The following CYP2W1 variants were observed in gnomAD, a reference collection of about 807,000 sequenced individuals.
CYP2W1 encodes the protein cytochrome P450 2W1.
Under a neutral mutation model 44.9 loss-of-function variants are expected in CYP2W1, and 51 were observed. That is an observed-to-expected ratio of 1.14 (90% CI 0.91 to 1.43). The LOEUF is 1.43. Ranked by LOEUF, CYP2W1 falls within the 40% of genes most tolerant of loss-of-function variation. The probability of loss-of-function intolerance (pLI) is 0.00; values close to 1 mark genes in which losing one functional copy is unlikely to be tolerated. For synonymous variants in CYP2W1, 383 were observed against 338.3 expected (o/e 1.13, Z -1.45); for missense variants, 746 against 700.0 (o/e 1.07, Z -0.74).
chr7:986,834 G>A (rs1245231610), intron 5 of CYP2W1, 37 bp downstream of exon 5: 1 of 1,476,590 alleles, frequency 6.8e-7, no homozygotes, highest in Non-Finnish European at 9.0e-7. Flanking sequence ...AAGGCCTGTA[G>A]GGGTCCTGAG....
In CYP2W1 at chr7:983,206, G is replaced by T. The variant is rs200956100; in HGVS notation, c.-6G>T. The T allele has an allele frequency of 7.4e-6, 11 of 1,491,452 alleles. No homozygotes were observed. The highest frequency in any genetic ancestry group is 9.9e-6 in the Non-Finnish European group (11 of 1,112,514). 92.4% of individuals were successfully genotyped at this position (1,491,452 alleles called of 1,614,324 possible). A position where few individuals can be genotyped will look rare whatever the true frequency, so the allele number is the denominator to read the frequency against. On this transcript the variant is annotated 5_prime_UTR_variant, in exon 1 of 9. Coordinates refer to ENST00000308919, the MANE Select transcript of CYP2W1 (RefSeq NM_017781.3). The stretch of plus-strand genomic sequence containing the variant: ...AGGGGAGTGGAGCCTCACCAGCCAC[G>T]TCCTCATGGCCCTGCTGCTCTTGCT...
intron 1 of CYP2W1, among the ~76,000 whole-genome samples, chr7:983,630 G>A (rs1044790750): frequency 1.3e-5 from 2 of 152,204 alleles, no homozygotes; most frequent in Non-Finnish European, 2.9e-5. Flanking sequence ...CGGCGCGGGA[G>A]CAGGAGTCTG....
At chr7:983,744 C>T (rs1848102585) in intron 1 of CYP2W1, among the ~76,000 whole-genome samples, 2 of 152,218 alleles carry the variant, frequency 1.3e-5, no homozygotes, top group South Asian at 2.1e-4. Context: ...GCCTGCTCAG[C>T]CCCCCTCGGC....
At chr7:985,920 G>A (rs1848307009) in intron 4 of CYP2W1, among the ~76,000 whole-genome samples, 1 of 152,088 alleles carries the variant, frequency 6.6e-6, no homozygotes, top group Non-Finnish European at 1.5e-5. Context: ...AGTGAGCAGC[G>A]GTGGGTTCAC....
chr7:988,390 GC>G lies in CYP2W1; in HGVS notation c.1258del (p.Arg420GlyfsTer58). 1 of 1,612,688 alleles carries G rather than the reference GC, an allele frequency of 6.2e-7. No homozygotes were observed. The highest frequency in any genetic ancestry group is 8.5e-7 in the Non-Finnish European group (1 of 1,179,834). On this transcript the variant is annotated frameshift_variant, in exon 8 of 9. Transcript: ENST00000308919. LOFTEE classifies it low-confidence loss of function (END_TRUNC). ...FLDANGHFVK[R>X]EAFLPFSAGR... ...TGGACGCGAATGGGCACTTTGTGAA[GC>G]GGGAGGCCTTCCTGCCTTTCTCTGC...
intron 7 of CYP2W1, 54 bp from the exon 8 acceptor site, chr7:988,223 C>G: frequency 2.0e-6 from 3 of 1,530,098 alleles, no homozygotes. Context: ...CCAACCCAGG[C>G]CCCATCCCAT....
At chr7:986,041 G>A (rs560148596) in intron 4 of CYP2W1, among the ~76,000 whole-genome samples, 4 of 152,282 alleles carry the variant, frequency 2.6e-5, no homozygotes, top group Non-Finnish European at 5.9e-5. Context: ...GAGGCTGCAC[G>A]GCACTGCGTG....
chr7:987,097 G>A lies in CYP2W1; in HGVS notation c.820-10G>A, dbSNP rs748510204. 6.6e-6 allele frequency: 10 copies of A among 1,522,290 alleles called. No individual in the cohort carries two copies. Among genetic ancestry groups the A allele is most frequent in the South Asian group, 3.8e-5 (3 of 78,814 alleles). 94.3% of individuals were successfully genotyped at this position (1,522,290 alleles called of 1,614,324 possible). On this transcript the variant is annotated splice_polypyrimidine_tract_variant and intron_variant, in intron 5 of 8. Transcript: ENST00000308919. ...GATCATCCCACGAGCCCTGCCCCAC[G>A]CCTCTGCAGGGGGATGACCCCGAGG...
chr7:987,106 G>T lies in CYP2W1; in HGVS notation c.820-1G>T. ...ACGAGCCCTGCCCCACGCCTCTGCAGGGGGATGACCCCGAGGGCCTGTTTG... is the reference window on the plus strand; with the variant it reads ...ACGAGCCCTGCCCCACGCCTCTGCATGGGGATGACCCCGAGGGCCTGTTTG... On this transcript the variant is annotated splice_acceptor_variant, in intron 5 of 8. Transcript: ENST00000308919. LOFTEE classifies it high-confidence loss of function. 1 of 1,542,662 alleles carries T rather than the reference G, an allele frequency of 6.5e-7. No homozygotes were observed. Among genetic ancestry groups the T allele is most frequent in the Non-Finnish European group, 8.8e-7 (1 of 1,142,134 alleles).
chr7:987,939 G>C (rs1005409081), intron 7 of CYP2W1, among the ~76,000 whole-genome samples: 2 of 146,398 alleles, frequency 1.4e-5, no homozygotes, highest in Non-Finnish European at 3.0e-5. Flanking sequence ...GTCCTGGGGG[G>C]GTCCCCTGTG....
intron 2 of CYP2W1, 43 bp from the exon 3 acceptor site, chr7:984,907 G>T (rs1193007864): frequency 6.5e-7 from 1 of 1,538,278 alleles, no homozygotes; most frequent in African/African-American, 1.4e-5. Flanking sequence ...GGGGCTGGCT[G>T]GGGTGGGAAC....
At chr7:983,502 G>T in intron 1 of CYP2W1, 117 bp downstream of exon 1, 1 of 1,094,514 alleles carries the variant, frequency 9.1e-7, no homozygotes, top group African/African-American at 1.6e-5. Flanking sequence ...GCCGGGCCCA[G>T]CGGGGCACGC....
In CYP2W1 at chr7:988,189, A is replaced by G. The variant is rs964917593; in HGVS notation, c.1144-88A>G. On this transcript the variant is annotated intron_variant, in intron 7 of 8. Transcript: ENST00000308919. ...CACCAGGTGTGGTGGGTGTGGCAGG[A>G]GCTACATCCTGGAATGAAACTTCCC... The G allele has an allele frequency of 3.4e-5, 48 of 1,412,114 alleles. No homozygotes were observed. In the East Asian group the frequency reaches 5.2e-4, roughly 15 times the overall value. 87.5% of individuals were successfully genotyped at this position (1,412,114 alleles called of 1,614,324 possible).
intron 4 of CYP2W1, among the ~76,000 whole-genome samples, chr7:985,554 G>A (rs569481276): frequency 2.0e-5 from 3 of 152,222 alleles, no homozygotes; most frequent in African/African-American, 2.4e-5. Flanking sequence ...TCTCCCCCAC[G>A]CCCTCATCAG....
In CYP2W1 at chr7:987,485, G is replaced by A. The variant is rs200641657; in HGVS notation, c.1097G>A (p.Arg366His). Residue 366 changes from arginine to histidine, a missense_variant, in exon 7 of 9, where the codon CGC becomes CAC. By Grantham distance (29) the Arg-to-His change is conservative. Coordinates refer to ENST00000308919, the MANE Select transcript of CYP2W1 (RefSeq NM_017781.3). ...RFITLLPHVP[R>H]CTAADTQLGG... Reference sequence around the variant, plus strand: ...ATCACGCTCCTGCCGCACGTGCCCCGCTGCACCGCGGCCGACACACAGCTG... The same window carrying A: ...ATCACGCTCCTGCCGCACGTGCCCCACTGCACCGCGGCCGACACACAGCTG... The A allele has an allele frequency of 2.0e-3, 3,137 of 1,551,486 alleles. 7 individuals are homozygous for A. Among genetic ancestry groups the A allele is most frequent in the Non-Finnish European group, 2.5e-3 (2,916 of 1,155,380 alleles).
intron 3 of CYP2W1, 26 bp from the exon 4 acceptor site, chr7:985,140 G>A (rs770723423): frequency 3.6e-5 from 57 of 1,601,272 alleles, no homozygotes; most frequent in South Asian, 1.6e-4. Context: ...GGGCCTGGAC[G>A]TGCCTGAGGC....
At position 987,266 on chromosome 7, in the gene CYP2W1, G is replaced by T. The variant is rs772035855; in HGVS notation, c.958+21G>T. 3 of 1,505,540 alleles carry T rather than the reference G, an allele frequency of 2.0e-6. No homozygotes were observed. The East Asian group carries it at 7.4e-5, about 37-fold the overall frequency. The allele number at this position is 1,505,540 out of a possible 1,614,324, so 93.3% of individuals were successfully genotyped here. On this transcript the variant is annotated intron_variant, in intron 6 of 8. Coordinates refer to ENST00000308919, the MANE Select transcript of CYP2W1 (RefSeq NM_017781.3). ...GCAGGGTGAGACCCCGGCGCCTGGC[G>T]AGACGGCTCCTTCTGCCCCCGGGGG... is the stretch of plus-strand genomic sequence containing the variant.
chr7:986,555 A>G, intron 4 of CYP2W1, 69 bp from the exon 5 acceptor site: 3 of 1,567,162 alleles, frequency 1.9e-6, no homozygotes, highest in Non-Finnish European at 2.6e-6. Context: ...GCTGGGGACG[A>G]TCACCGCCTG....
chr7:986,677 C>G lies in CYP2W1; in HGVS notation c.699C>G (p.Val233=). The change falls in exon 5 of 9, where the codon GTC becomes GTG. Residue 233 remains valine (V), a synonymous_variant. Coordinates refer to ENST00000308919, the MANE Select transcript of CYP2W1 (RefSeq NM_017781.3). ...LGALLQLHRP[V]LRKIEEVRAI... Reference sequence around the variant, plus strand: ...CCCTGCTCCAGCTGCACCGGCCCGTCCTGCGCAAGATCGAGGAGGTCCGTG... The same window carrying G: ...CCCTGCTCCAGCTGCACCGGCCCGTGCTGCGCAAGATCGAGGAGGTCCGTG... 6.2e-7 allele frequency: 1 copy of G among 1,612,682 alleles called. No homozygotes were observed. The highest frequency in any genetic ancestry group is 8.5e-7 in the Non-Finnish European group (1 of 1,179,884).
Sources: gnomAD v4.1 joint callset for allele counts (sites outside exome capture counted in the v4.1 genomes callset) on GRCh38, gnomAD v4.1.1 for gene constraint, MANE v1.5 for transcripts, NCBI Gene and HGNC (gene_info 2026-07-23, HGNC 2026-07-21) for gene names.